PDE4C: variants seen among roughly 807,000 people sequenced by gnomAD.
The protein encoded by PDE4C is 3',5'-cyclic-AMP phosphodiesterase 4C.
A neutral mutation model predicts 63.9 loss-of-function variants in PDE4C; 50 were observed. The ratio of observed to expected loss-of-function variants is 0.78; its 90% CI spans 0.62 to 0.99. PDE4C has a LOEUF of 0.99. Ranked by LOEUF, PDE4C falls within the 50% of genes least tolerant of loss-of-function variation. The probability of loss-of-function intolerance (pLI) is 0.00; values close to 1 mark genes in which losing one functional copy is unlikely to be tolerated. For synonymous variants in PDE4C, 377 were observed against 385.1 expected (o/e 0.98, Z 0.25); for missense variants, 777 against 899.1 (o/e 0.86, Z 1.74).
rs565265288 is a variant in PDE4C, at chr19:18,220,153, T to C, written c.706+73A>G. 6.6e-6 allele frequency: 8 copies of C among 1,213,102 alleles called. No individual in the cohort carries two copies. The highest frequency in any genetic ancestry group is 1.7e-5 in the Admixed American group (1 of 58,910). 75.1% of individuals were successfully genotyped at this position (1,213,102 alleles called of 1,614,324 possible). On this transcript the variant is annotated intron_variant, in intron 7 of 14. Coordinates refer to ENST00000262805, the Ensembl canonical transcript of PDE4C. The surrounding 1 kb of genome is among the most constrained non-coding windows in gnomAD (Gnocchi z 5.1). ...GCTGTATCTCCCCCAGACTGAGGTC[T>C]ATCATAGGAATCTTTCTTTTGTTTC...
intron 1 of PDE4C, among the ~76,000 whole-genome samples, chr19:18,226,008 G>T (rs1255904381): frequency 6.6e-6 from 1 of 152,238 alleles, no homozygotes; most frequent in Admixed American, 6.5e-5. Context: ...GGAGACAGAC[G>T]GCTGGTCCCC....
At chr19:18,221,057 CCTTGTCTCTG>C in intron 4 of PDE4C, 38 bp downstream of exon 4, 1 of 714,190 alleles carries the variant, frequency 1.4e-6, no homozygotes, top group Non-Finnish European at 2.0e-6. Flanking sequence ...TTTCCGCCCA[CCTTGTCTCTG>C]CCGGCCCCGC....
upstream of PDE4C, among the ~76,000 whole-genome samples, chr19:18,250,878 A>G (rs1969222044): frequency 6.7e-6 from 1 of 150,286 alleles, no homozygotes; most frequent in African/African-American, 2.5e-5. Flanking sequence ...GGATCTAGTG[A>G]TCCTCTTACC....
intron 1 of PDE4C, among the ~76,000 whole-genome samples, chr19:18,222,614 TA>T (rs1421836587): frequency 6.8e-6 from 1 of 146,910 alleles, no homozygotes; most frequent in Non-Finnish European, 1.5e-5. Context: ...CTATTTCTTT[TA>T]TTTTTTTTCT....
At chr19:18,248,264 T>A (rs538229089), upstream of PDE4C, 1 of 455,224 alleles carries the variant, frequency 2.2e-6, no homozygotes, top group Non-Finnish European at 4.4e-6. Context: ...GGCCCAGGGC[T>A]CCCTCAACAC....
Position 18,220,846 on chromosome 19 carries a change from C to CG in PDE4C, c.499+27dup. On this transcript the variant is annotated intron_variant, in intron 5 of 14. Coordinates refer to ENST00000262805, the Ensembl canonical transcript of PDE4C. The surrounding 1 kb of genome is among the most constrained non-coding windows in gnomAD (Gnocchi z 5.1). ...AAAGGAAGCTCCCAGCTGTCCTCAG[C>CG]GGGGGAGGGAAGGAACAGGTACTTT... 1 of 1,600,898 alleles carries CG rather than the reference C, an allele frequency of 6.2e-7. No individual in the cohort carries two copies.
chr19:18,208,591 C>T (rs1169087309), downstream of PDE4C: 2 of 152,130 alleles, frequency 1.3e-5, no homozygotes, highest in Admixed American at 1.3e-4. Flanking sequence ...GAGGACCTCT[C>T]TGCGCCTCAG....
intron 1 of PDE4C, chr19:18,232,936 C>T (rs1421259971): frequency 6.9e-7 from 1 of 1,443,662 alleles, no homozygotes; most frequent in South Asian, 1.5e-5. Flanking sequence ...GAGGCCCCTG[C>T]CCCGGCCACC....
At chr19:18,230,260 C>G (rs879620113), upstream of PDE4C, among the ~76,000 whole-genome samples, 1 of 152,190 alleles carries the variant, frequency 6.6e-6, no homozygotes, top group Non-Finnish European at 1.5e-5. Context: ...AATCCCAGCA[C>G]TCTGGGAGGC....
chr19:18,246,487 C>T (rs1246726888), intron 1 of PDE4C, among the ~76,000 whole-genome samples: 6 of 152,060 alleles, frequency 3.9e-5, no homozygotes, highest in African/African-American at 1.4e-4. Flanking sequence ...CCAGACTACC[C>T]TTTTCCTTTC....
chr19:18,225,288 T>A (rs1172233617), intron 1 of PDE4C, among the ~76,000 whole-genome samples: 1 of 152,108 alleles, frequency 6.6e-6, no homozygotes, highest in Non-Finnish European at 1.5e-5. Context: ...CATCCTCACT[T>A]CTGAGTACCC....
intron 1 of PDE4C, among the ~76,000 whole-genome samples, chr19:18,239,529 G>T (rs1969005250): frequency 6.6e-6 from 1 of 152,168 alleles, no homozygotes; most frequent in Admixed American, 6.6e-5. Flanking sequence ...ACCCACGTGC[G>T]CCAGACACAG....
At chr19:18,232,228 T>A (rs1272993777) in intron 1 of PDE4C, among the ~76,000 whole-genome samples, 1 of 151,796 alleles carries the variant, frequency 6.6e-6, no homozygotes, top group African/African-American at 2.4e-5. Flanking sequence ...AGCCAGGCCT[T>A]GTGATATGCC....
At chr19:18,241,892 G>C in intron 1 of PDE4C, among the ~76,000 whole-genome samples, 1 of 152,266 alleles carries the variant, frequency 6.6e-6, no homozygotes, top group East Asian at 1.9e-4. Context: ...TTCCAGATGG[G>C]AGAACTCCCT....
At chr19:18,233,453 G>A (rs780075783) in exon 1 of PDE4C, 4 of 623,068 alleles carry the variant, frequency 6.4e-6, no homozygotes, top group Admixed American at 4.7e-5. Flanking sequence ...TGAAGCTAGG[G>A]GCTGAAGAGA....
exon 15 of PDE4C, chr19:18,211,041 CCCT>C (rs768578927): frequency 6.2e-7 from 1 of 1,614,214 alleles, no homozygotes; most frequent in Non-Finnish European, 8.5e-7. Context: ...TGTCTCTTCC[CCCT>C]CCTCTTCTTC....
chr19:18,213,549 T>C (rs912548814), intron 12 of PDE4C, 59 bp from the exon 13 acceptor site: 20 of 1,530,186 alleles, frequency 1.3e-5, no homozygotes, highest in Middle Eastern at 2.2e-4. Context: ...CAACCCTCAC[T>C]CCCAACTCCC....
upstream of PDE4C, among the ~76,000 whole-genome samples, chr19:18,236,319 A>C (rs1968950341): frequency 6.6e-6 from 1 of 151,712 alleles, no homozygotes; most frequent in Non-Finnish European, 1.5e-5. Flanking sequence ...GGCTCACTGC[A>C]ACCTCCACCT....
Position 18,218,140 on chromosome 19 carries a change from CCTA to C in PDE4C, c.1234+6_1234+8del, listed in dbSNP as rs576362441. 2.6e-4 allele frequency: 414 copies of C among 1,606,914 alleles called. 3 individuals are homozygous for C. In the South Asian group the frequency reaches 4.2e-3, roughly 16 times the overall value. The stretch of plus-strand genomic sequence containing the variant: ...TCTTCTCCTGCACCCACTTCCCACT[CCTA>C]CTTACTGGTGTTAATCAGAAACTGG... On this transcript the variant is annotated splice_donor_region_variant and intron_variant, in intron 11 of 14. Transcript: ENST00000262805.
Sources: gnomAD v4.1 joint callset for allele counts (sites outside exome capture counted in the v4.1 genomes callset) on GRCh38, gnomAD v4.1.1 for gene constraint, Gnocchi (gnomAD v3.1) non-coding constraint, MANE v1.5 for transcripts, NCBI Gene and HGNC (gene_info 2026-07-23, HGNC 2026-07-21) for gene names.